The following CACNA1D variants were observed in gnomAD, a reference collection of about 807,000 sequenced individuals.
CACNA1D encodes the protein voltage-dependent L-type calcium channel subunit alpha-1D.
CACNA1D carries 55 observed loss-of-function variants against 257.1 expected under a neutral mutation model. The observed-to-expected ratio is 0.21, with a 90% CI of 0.17 to 0.27. The LOEUF (loss-of-function observed/expected upper bound fraction) is 0.27. CACNA1D is among the 10% of genes least tolerant of loss of function. The pLI, the probability that CACNA1D is intolerant of heterozygous loss-of-function variation, is 1.00. For missense variants in CACNA1D, 1,876 were observed against 2,784.0 expected (o/e 0.67, Z 7.34); for synonymous variants, 980 against 1,014.9 (o/e 0.97, Z 0.65).
chr3:53,644,066 T>A (rs1357757498), intron 3 of CACNA1D, among the ~76,000 whole-genome samples: 1 of 152,254 alleles, frequency 6.6e-6, no homozygotes, highest in African/African-American at 2.4e-5. Flanking sequence ...ATTTATTCAT[T>A]TATAAATGCG....
chr3:53,719,232 A>G (rs2094855962), intron 10 of CACNA1D, among the ~76,000 whole-genome samples: 1 of 152,236 alleles, frequency 6.6e-6, no homozygotes, highest in African/African-American at 2.4e-5. Flanking sequence ...ATATGCAACC[A>G]TTTGTGAAGT....
rs962255216 is a variant in CACNA1D, at chr3:53,745,731, G to A, written c.3114G>A (p.Lys1038=). ...CCTGTATCGGGGTCCAGTTGTTCAA[G>A]GTAGAGGAACTGCCTCCAAGCATAA... ...MFACIGVQLF[K]GKFYRCTDEA... Residue 1038 remains lysine (K), a splice_region_variant and synonymous_variant, in exon 24 of 48, where the codon AAG becomes AAA. Coordinates refer to ENST00000350061, the MANE Select transcript of CACNA1D (RefSeq NM_001128840.3). The A allele has an allele frequency of 6.2e-7, 1 of 1,610,352 alleles. No homozygotes were observed. Among genetic ancestry groups the A allele is most frequent in the East Asian group, 2.2e-5 (1 of 44,868 alleles).
intron 8 of CACNA1D, among the ~76,000 whole-genome samples, chr3:53,689,628 G>A (rs893221845): frequency 6.6e-6 from 1 of 152,048 alleles, no homozygotes; most frequent in African/African-American, 2.4e-5. Flanking sequence ...GATGTGGATT[G>A]TATGAGAGAA....
Position 53,644,824 on chromosome 3 carries a change from T to G in CACNA1D, c.484-5955T>G, listed in dbSNP as rs543358053. Among the ~76,000 whole-genome samples, 13 of 152,348 alleles carry G rather than the reference T, an allele frequency of 8.5e-5. No individual in the cohort carries two copies. In the South Asian group the frequency reaches 2.7e-3, roughly 32 times the overall value. The stretch of plus-strand genomic sequence containing the variant: ...TTTGACATACTGATTTCATTTCCTT[T>G]GTATATACATTCCCAGAAGTGGGAT... On this transcript the variant is annotated intron_variant, in intron 3 of 47. Transcript: ENST00000350061.
intron 3 of CACNA1D, among the ~76,000 whole-genome samples, chr3:53,592,898 C>T (rs1005288945): frequency 1.3e-5 from 2 of 151,940 alleles, no homozygotes; most frequent in Non-Finnish European, 2.9e-5. Context: ...CATGTTGGCC[C>T]GGTTGGTCTT....
At chr3:53,719,713 C>T in intron 10 of CACNA1D, 42 bp from the exon 11 acceptor site, 3 of 1,595,526 alleles carry the variant, frequency 1.9e-6, no homozygotes, top group Non-Finnish European at 2.6e-6. Context: ...TGTGCTCAAG[C>T]CCTCGGAACC....
rs370053749 is a variant in CACNA1D at position 53,723,416 on chromosome 3, G to A, written c.1667-18G>A. On this transcript the variant is annotated intron_variant, in intron 12 of 47. Transcript: ENST00000350061. The surrounding 1 kb of genome is among the most constrained non-coding windows in gnomAD (Gnocchi z 5.6). ...CTTGCAGGAGACCCTGAGGATGGGTGCCCCTTTGTCTTTCCAGATATTGCC... is the reference window on the plus strand; with the variant it reads ...CTTGCAGGAGACCCTGAGGATGGGTACCCCTTTGTCTTTCCAGATATTGCC... 26 of 1,593,934 alleles carry A rather than the reference G, an allele frequency of 1.6e-5. No individual in the cohort carries two copies. The African/African-American group carries it at 2.5e-4, about 16-fold the overall frequency.
At chr3:53,749,490 T>C (rs1333590713) in intron 27 of CACNA1D, 21 bp downstream of exon 27, 3 of 1,574,370 alleles carry the variant, frequency 1.9e-6, no homozygotes, top group Non-Finnish European at 2.6e-6. Context: ...CACACTGTTT[T>C]GGCTTCTGTC....
chr3:53,690,937 T>C lies in CACNA1D; in HGVS notation c.1221-11704T>C, dbSNP rs28399805. ...GTTCTGCCACCCTCCCAAGCCAGAC[T>C]TCATGTGCACATCTTCCTTATTTTT... is the stretch of plus-strand genomic sequence containing the variant. On this transcript the variant is annotated intron_variant, in intron 8 of 47. Coordinates refer to ENST00000350061, the MANE Select transcript of CACNA1D (RefSeq NM_001128840.3). Among the ~76,000 whole-genome samples, 852 of 152,306 alleles carry C rather than the reference T, an allele frequency of 5.6e-3. 6 individuals carry two copies. The highest frequency in any genetic ancestry group is 0.019 in the African/African-American group (806 of 41,556).
intron 3 of CACNA1D, among the ~76,000 whole-genome samples, chr3:53,564,978 T>C (rs2092808538): frequency 1.3e-5 from 2 of 152,240 alleles, no homozygotes; most frequent in Admixed American, 1.3e-4. Context: ...TCAGTTGCTC[T>C]CTAATAGATT....
intron 31 of CACNA1D, 131 bp from the exon 32 acceptor site, chr3:53,770,293 T>A (rs536396731): frequency 1.1e-6 from 1 of 940,922 alleles, no homozygotes; most frequent in Non-Finnish European, 1.7e-6. Context: ...TCATGCTTTT[T>A]AAGATGAAAA....
In CACNA1D at chr3:53,732,961, C is replaced by T. The variant is rs2095013118; in HGVS notation, c.2620C>T (p.Pro874Ser). 4.3e-6 allele frequency: 7 copies of T among 1,613,898 alleles called. No homozygotes were observed. The highest frequency in any genetic ancestry group is 5.1e-6 in the Non-Finnish European group (6 of 1,179,824). Residue 874 changes from proline (P) to serine (S), a missense_variant and splice_region_variant, in exon 19 of 48, where the codon CCG (proline) becomes TCG (serine). Around this residue, in one of 10 missense-constraint regions of CACNA1D, gnomAD observed 271 missense variants for 425.5 expected, o/e 0.64. Coordinates refer to ENST00000350061, the MANE Select transcript of CACNA1D (RefSeq NM_001128840.3). ...SAFFILSKTN[P>S]IRVGCHKLIN... ...TTTCTTCATTCTTAGCAAGACCAAC[C>T]CGTAAATACTCCCCTTCTAGTCTCT...
chr3:53,566,310 T>C (rs2092834941), intron 3 of CACNA1D, among the ~76,000 whole-genome samples: 1 of 152,166 alleles, frequency 6.6e-6, no homozygotes, highest in Admixed American at 6.5e-5. Context: ...TTCTTCAGAA[T>C]GCCAGGCACC....
chr3:53,591,214 C>G (rs2093299427), intron 3 of CACNA1D, among the ~76,000 whole-genome samples: 1 of 151,992 alleles, frequency 6.6e-6, no homozygotes, highest in African/African-American at 2.4e-5. Flanking sequence ...ATCCAATGTT[C>G]TGTTCACCTC....
chr3:53,625,283 A>G (rs2093744115), intron 3 of CACNA1D, among the ~76,000 whole-genome samples: 1 of 152,214 alleles, frequency 6.6e-6, no homozygotes, highest in Non-Finnish European at 1.5e-5. Flanking sequence ...GGGATGGACT[A>G]CAGAGTCTGT....
rs769686869 is a variant in CACNA1D at position 53,776,901 on chromosome 3, G to A, written c.4532G>A (p.Arg1511His). The A allele has an allele frequency of 5.0e-6, 8 of 1,614,012 alleles. No homozygotes were observed. The highest frequency in any genetic ancestry group is 4.4e-5 in the South Asian group (4 of 91,082). The change falls in exon 37 of 48, where the codon CGC becomes CAC. Residue 1511 changes from arginine to histidine, a missense_variant. Physicochemically the swap from Arg to His is conservative, Grantham distance 29. Transcript: ENST00000350061. ...KHLDVVTLLR[R>H]IQPPLGFGKL... ...CTTGATGTGGTCACTCTGCTTCGAC[G>A]CATCCAGCCTCCCCTGGGGTTTGGG...
intron 3 of CACNA1D, among the ~76,000 whole-genome samples, chr3:53,526,933 A>G (rs537240011): frequency 1.3e-5 from 2 of 152,362 alleles, no homozygotes; most frequent in South Asian, 4.1e-4. Flanking sequence ...TAATGTTCAC[A>G]TTCTATAAAT....
intron 3 of CACNA1D, among the ~76,000 whole-genome samples, chr3:53,504,061 T>G (rs947790698): frequency 1.3e-5 from 2 of 151,994 alleles, no homozygotes; most frequent in African/African-American, 4.8e-5. Context: ...TTTTGTTTTT[T>G]TTTTTTTAAA....
intron 9 of CACNA1D, among the ~76,000 whole-genome samples, chr3:53,715,845 G>A (rs1414451685): frequency 6.6e-6 from 1 of 152,150 alleles, no homozygotes; most frequent in Non-Finnish European, 1.5e-5. Context: ...TGCTGTTTGG[G>A]GAGTTCGATT....
Sources: gnomAD v4.1 joint callset for allele counts (sites outside exome capture counted in the v4.1 genomes callset) on GRCh38, gnomAD v4.1.1 for gene constraint, gnomAD v4.1.1 regional missense constraint, Gnocchi (gnomAD v3.1) non-coding constraint, MANE v1.5 for transcripts, NCBI Gene and HGNC (gene_info 2026-07-23, HGNC 2026-07-21) for gene names.